NPIPB2: variants seen among roughly 807,000 people sequenced by gnomAD.
The protein encoded by NPIPB2 is nuclear pore complex interacting protein family member B2.
In NPIPB2, 27 loss-of-function variants were observed where a neutral mutation model predicts 30.8. The ratio of observed to expected loss-of-function variants is 0.88; its 90% CI spans 0.65 to 1.21. NPIPB2 has a LOEUF of 1.21. Among genes scored for constraint, NPIPB2 ranks in the 50% most tolerant of loss-of-function variants. NPIPB2 has a pLI of 0.00. For synonymous variants in NPIPB2, 147 were observed against 162.0 expected, an observed-to-expected ratio of 0.91 and a Z score of 0.70; for missense variants, 440 against 446.2, an observed-to-expected ratio of 0.99 and a Z score of 0.13.
At chr16:11,933,255 G>GAA (rs1337413488) in intron 4 of NPIPB2, among the ~76,000 whole-genome samples, 27 of 137,282 alleles carry the variant, frequency 2.0e-4, no homozygotes, top group Admixed American at 1.1e-3. Context: ...TCCATCTCAG[G>GAA]AAAAAAAAAA....
Position 11,967,910 on chromosome 16 carries a change from A to G in NPIPB2, c.-584+8658T>C, listed in dbSNP as rs2055208844. On this transcript the variant is annotated intron_variant, in intron 1 of 5. Transcript: ENST00000538896. Reference sequence around the variant, plus strand: ...CTTTTGTCAGAATAGATGATGTGTCAGATCTCTTTAGGATGACTGTATTTT... The same window carrying G: ...CTTTTGTCAGAATAGATGATGTGTCGGATCTCTTTAGGATGACTGTATTTT... The G allele has an allele frequency of 2.6e-6, 4 of 1,555,632 alleles. No homozygotes were observed. The East Asian group carries it at 9.0e-5, about 35-fold the overall frequency.
chr16:11,952,898 A>T (rs1241295474), intron 1 of NPIPB2, among the ~76,000 whole-genome samples: 2 of 151,896 alleles, frequency 1.3e-5, no homozygotes, highest in Admixed American at 6.6e-5. Context: ...AGAACATAAA[A>T]ATCTACTTCA....
chr16:11,942,870 C>G (rs1442530929), upstream of NPIPB2, among the ~76,000 whole-genome samples: 1 of 152,144 alleles, frequency 6.6e-6, no homozygotes, highest in Non-Finnish European at 1.5e-5. Context: ...CAAACTCACT[C>G]AGGCCTCTGG....
intron 1 of NPIPB2, among the ~76,000 whole-genome samples, chr16:11,948,342 T>G (rs557162279): frequency 6.6e-6 from 1 of 152,302 alleles, no homozygotes; most frequent in East Asian, 1.9e-4. Flanking sequence ...AATTGGTCAT[T>G]GTGCGTCTGT....
intron 1 of NPIPB2, among the ~76,000 whole-genome samples, chr16:11,950,926 C>T (rs1248447933): frequency 1.3e-5 from 2 of 152,056 alleles, no homozygotes; most frequent in East Asian, 3.8e-4. Context: ...GCTTGGCTAA[C>T]ACTCTTCTTT....
chr16:11,941,213 G>C (rs113034855), intron 1 of NPIPB2: 57,337 of 1,497,648 alleles, frequency 0.038, 3,593 homozygotes, highest in Admixed American at 0.24. Flanking sequence ...AGCCAAAAGA[G>C]GAGCCAAAAG....
At chr16:11,966,134 A>G in intron 1 of NPIPB2, 1 of 1,475,164 alleles carries the variant, frequency 6.8e-7, no homozygotes, top group Non-Finnish European at 9.2e-7. Context: ...AAATAATAAC[A>G]ATAAAGTATG....
exon 3 of NPIPB2, chr16:11,933,839 C>T (rs762507683): frequency 1.6e-5 from 25 of 1,584,046 alleles, no homozygotes; most frequent in Middle Eastern, 2.3e-4. Context: ...CTGTCTACGG[C>T]GGTTGGACCT....
At chr16:11,967,816 C>A in intron 1 of NPIPB2, 1 of 1,614,090 alleles carries the variant, frequency 6.2e-7, no homozygotes, top group Non-Finnish European at 8.5e-7. Context: ...TTGAGTGCTA[C>A]GGAGATAGAG....
chr16:11,965,547 G>A (rs1383362419), intron 1 of NPIPB2: 1 of 1,311,824 alleles, frequency 7.6e-7, no homozygotes, highest in African/African-American at 1.5e-5. Context: ...TGGGCATGAT[G>A]GTGAGTTTTC....
At chr16:11,969,329 C>G (rs1347336274) in intron 1 of NPIPB2, among the ~76,000 whole-genome samples, 1 of 152,138 alleles carries the variant, frequency 6.6e-6, no homozygotes, top group East Asian at 1.9e-4. Context: ...GCGATCTCAG[C>G]TCACTGCAAC....
chr16:11,967,872 C>G (rs1256833406), intron 1 of NPIPB2: 2 of 1,603,228 alleles, frequency 1.2e-6, no homozygotes, highest in Admixed American at 3.4e-5. Flanking sequence ...TCGAGCAGTG[C>G]CACTTTAAAA....
intron 2 of NPIPB2, among the ~76,000 whole-genome samples, chr16:11,934,162 G>A (rs1307397518): frequency 1.3e-4 from 19 of 148,726 alleles, no homozygotes; most frequent in African/African-American, 4.0e-4. Flanking sequence ...GCTGGGAGGC[G>A]GAGGTTGCAG....
chr16:11,960,092 A>G (rs1332634150), intron 1 of NPIPB2, among the ~76,000 whole-genome samples: 1 of 151,738 alleles, frequency 6.6e-6, no homozygotes, highest in South Asian at 2.1e-4. Context: ...TGTGTTTTTC[A>G]CTTAGTGATT....
At chr16:11,942,339 C>T (rs533246872), upstream of NPIPB2, among the ~76,000 whole-genome samples, 4 of 148,764 alleles carry the variant, frequency 2.7e-5, no homozygotes, top group African/African-American at 9.9e-5. Flanking sequence ...AAGACATAAA[C>T]ATAAGAAAGA....
exon 4 of NPIPB2, chr16:11,933,590 G>A (rs1424765023): frequency 8.3e-6 from 13 of 1,574,370 alleles, no homozygotes; most frequent in African/African-American, 5.9e-5. Flanking sequence ...TTCATCTTAC[G>A]GATTTTAGCT....
intron 1 of NPIPB2, among the ~76,000 whole-genome samples, chr16:11,965,811 A>G (rs1372131527): frequency 1.3e-5 from 2 of 152,196 alleles, no homozygotes; most frequent in African/African-American, 4.8e-5. Flanking sequence ...TTAGCAAAAT[A>G]ATCAAGTATG....
upstream of NPIPB2, among the ~76,000 whole-genome samples, chr16:11,946,145 G>A (rs2055006563): frequency 6.6e-6 from 1 of 152,040 alleles, no homozygotes; most frequent in Admixed American, 6.6e-5. Context: ...CAGCACTTTG[G>A]GAGGCCAGAG....
intron 1 of NPIPB2, among the ~76,000 whole-genome samples, chr16:11,968,899 C>G (rs752801029): frequency 1.5e-4 from 23 of 150,478 alleles, no homozygotes; most frequent in Non-Finnish European, 3.0e-4. Context: ...CGGAGTCCTG[C>G]TCTGTTGCCC....
Sources: gnomAD v4.1 joint callset for allele counts (sites outside exome capture counted in the v4.1 genomes callset) on GRCh38, gnomAD v4.1.1 for gene constraint, MANE v1.5 for transcripts, NCBI Gene and HGNC (gene_info 2026-07-23, HGNC 2026-07-21) for gene names.